The following KSR2 variants were observed in gnomAD, a reference collection of about 807,000 sequenced individuals.
KSR2 encodes the protein kinase suppressor of ras 2.
Under a neutral mutation model 107.8 loss-of-function variants are expected in KSR2, and 25 were observed. The ratio of observed to expected loss-of-function variants is 0.23; its 90% CI spans 0.17 to 0.32. KSR2 has a LOEUF of 0.32. Ranked by LOEUF, KSR2 falls within the 10% of genes least tolerant of loss-of-function variation. The probability of loss-of-function intolerance (pLI) is 1.00; values close to 1 mark genes in which losing one functional copy is unlikely to be tolerated. For missense variants in KSR2, 887 were observed against 1,268.9 expected (o/e 0.70, Z 4.57); for synonymous variants, 480 against 507.0 (o/e 0.95, Z 0.71).
chr12:117,838,099 C>T (rs1205323865), intron 3 of KSR2, among the ~76,000 whole-genome samples: 1 of 152,222 alleles, frequency 6.6e-6, no homozygotes, highest in African/African-American at 2.4e-5. Flanking sequence ...GATGTGGTCC[C>T]CACTCCCCAA....
At chr12:117,497,626 G>A (rs924629525) in intron 14 of KSR2, among the ~76,000 whole-genome samples, 10 of 152,186 alleles carry the variant, frequency 6.6e-5, no homozygotes, top group Non-Finnish European at 4.4e-5. Context: ...CAGACCAGGA[G>A]ACTGGCGCAA....
intron 4 of KSR2, among the ~76,000 whole-genome samples, chr12:117,725,109 CA>C (rs1475332274): frequency 6.6e-5 from 10 of 151,990 alleles, no homozygotes; most frequent in Non-Finnish European, 1.3e-4. Flanking sequence ...CACACACACA[CA>C]CACCCCAAAA....
At chr12:117,774,699 G>A (rs149645246) in intron 3 of KSR2, among the ~76,000 whole-genome samples, 5 of 152,184 alleles carry the variant, frequency 3.3e-5, no homozygotes, top group Non-Finnish European at 4.4e-5. Context: ...CCATTTCAAA[G>A]TACAGAATTC....
intron 3 of KSR2, among the ~76,000 whole-genome samples, chr12:117,762,583 C>T (rs538203750): frequency 3.2e-4 from 48 of 152,262 alleles, no homozygotes; most frequent in South Asian, 2.7e-3. Flanking sequence ...AGAATATGGG[C>T]AGCTGGGCAC....
intron 1 of KSR2, among the ~76,000 whole-genome samples, chr12:117,873,206 A>T (rs1282664854): frequency 6.6e-6 from 1 of 151,946 alleles, no homozygotes; most frequent in Non-Finnish European, 1.5e-5. Context: ...TTAACAGGGC[A>T]TGGTGGCGCA....
At chr12:117,646,032 C>T (rs34580949) in intron 5 of KSR2, among the ~76,000 whole-genome samples, 4,702 of 152,114 alleles carry the variant, frequency 0.031, 245 homozygotes, top group African/African-American at 0.11. Context: ...TAATAACTTA[C>T]ACAAAGCCTC....
At chr12:117,581,896 C>CCTGAGCTAAGCA (rs58921759) in intron 6 of KSR2, among the ~76,000 whole-genome samples, 1 of 151,990 alleles carries the variant, frequency 6.6e-6, no homozygotes, top group Non-Finnish European at 1.5e-5. Flanking sequence ...TGTGCCAGGC[C>CCTGAGCTAAGCA]CTTTACAAAT....
At chr12:117,800,382 C>A (rs1464339136) in intron 3 of KSR2, among the ~76,000 whole-genome samples, 2 of 151,900 alleles carry the variant, frequency 1.3e-5, no homozygotes, top group African/African-American at 4.8e-5. Context: ...ATTATTCTGC[C>A]CCCCCCAAAG....
rs191699094 is a variant in KSR2 at position 117,774,744 on chromosome 12, C to T, written c.473-13220G>A. On this transcript the variant is annotated intron_variant, in intron 3 of 19. Transcript: ENST00000339824. ...TAGTACATTCTCAATGTTGTGTAACCGCCACCTCTATCTAGTTCCAAAACA... is the reference window on the plus strand; with the variant it reads ...TAGTACATTCTCAATGTTGTGTAACTGCCACCTCTATCTAGTTCCAAAACA... Among the ~76,000 whole-genome samples the T allele has an allele frequency of 2.2e-4, 33 of 152,212 alleles. No individual in the cohort carries two copies. The East Asian group carries it at 3.9e-3, about 18-fold the overall frequency.
intron 3 of KSR2, among the ~76,000 whole-genome samples, chr12:117,822,208 T>C (rs1217130268): frequency 6.6e-6 from 1 of 152,170 alleles, no homozygotes; most frequent in Non-Finnish European, 1.5e-5. Context: ...ACCATAAAAA[T>C]GGGCAACCAG....
intron 4 of KSR2, among the ~76,000 whole-genome samples, chr12:117,684,256 G>C (rs1026035823): frequency 6.6e-6 from 1 of 152,174 alleles, no homozygotes; most frequent in Admixed American, 6.5e-5. Flanking sequence ...TGATTTTTCT[G>C]ATGACTTGAT....
intron 5 of KSR2, among the ~76,000 whole-genome samples, chr12:117,661,010 A>C (rs1282076221): frequency 1.3e-5 from 2 of 152,218 alleles, no homozygotes; most frequent in African/African-American, 4.8e-5. Flanking sequence ...CACACAGTGG[A>C]GTTGTCTATA....
At chr12:117,558,927 TAGAC>T (rs916448263) in intron 7 of KSR2, among the ~76,000 whole-genome samples, 1 of 151,678 alleles carries the variant, frequency 6.6e-6, no homozygotes, top group African/African-American at 2.4e-5. Context: ...GGTGGATGGA[TAGAC>T]AGATGACTAG....
chr12:117,817,004 T>C (rs1280246225), intron 3 of KSR2, among the ~76,000 whole-genome samples: 1 of 152,150 alleles, frequency 6.6e-6, no homozygotes, highest in Non-Finnish European at 1.5e-5. Context: ...TCTTTCCATT[T>C]GGCTTTCCAA....
At chr12:117,915,062 CTG>C (rs1566080031) in intron 1 of KSR2, among the ~76,000 whole-genome samples, 1 of 152,228 alleles carries the variant, frequency 6.6e-6, no homozygotes, top group Non-Finnish European at 1.5e-5. Context: ...CAGCAACAGG[CTG>C]TGTCTGTATT....
intron 10 of KSR2, among the ~76,000 whole-genome samples, chr12:117,532,920 T>C (rs193165377): frequency 4.9e-4 from 74 of 152,122 alleles, no homozygotes; most frequent in African/African-American, 1.6e-3. Flanking sequence ...ACCACTGGAG[T>C]TGCTTTATCA....
At chr12:117,539,964 G>C (rs911057519) in intron 9 of KSR2, 77 bp from the exon 10 acceptor site, 15 of 1,263,818 alleles carry the variant, frequency 1.2e-5, no homozygotes, top group Non-Finnish European at 1.7e-5. Flanking sequence ...GGCTGAGCAG[G>C]AGAGGCCCCC....
At chr12:117,964,823 T>C (rs979555269) in intron 1 of KSR2, among the ~76,000 whole-genome samples, 7 of 152,232 alleles carry the variant, frequency 4.6e-5, no homozygotes, top group African/African-American at 1.7e-4. Context: ...CAAGCTAGAA[T>C]TTACAACTAT....
At chr12:117,549,825 G>C (rs947554871) in intron 9 of KSR2, among the ~76,000 whole-genome samples, 8 of 152,172 alleles carry the variant, frequency 5.3e-5, no homozygotes, top group African/African-American at 1.9e-4. Context: ...AGAAAGGATA[G>C]AGGGAAAGAG....
Sources: gnomAD v4.1 joint callset for allele counts (sites outside exome capture counted in the v4.1 genomes callset) on GRCh38, gnomAD v4.1.1 for gene constraint, MANE v1.5 for transcripts, NCBI Gene and HGNC (gene_info 2026-07-23, HGNC 2026-07-21) for gene names.